NEDD4L: variants seen among roughly 807,000 people sequenced by gnomAD.
NEDD4L encodes the protein E3 ubiquitin-protein ligase NEDD4-like.
In NEDD4L, 54 loss-of-function variants were observed where a neutral mutation model predicts 148.9. The ratio of observed to expected loss-of-function variants is 0.36; its 90% CI spans 0.29 to 0.45. The LOEUF (loss-of-function observed/expected upper bound fraction) is 0.45. Among genes scored for constraint, NEDD4L ranks in the 20% least tolerant of loss-of-function variants. The probability of loss-of-function intolerance (pLI) is 1.00; values close to 1 mark genes in which losing one functional copy is unlikely to be tolerated. For missense variants in NEDD4L, 856 were observed against 1,233.8 expected (o/e 0.69, Z 4.59); for synonymous variants, 433 against 440.7 (o/e 0.98, Z 0.22).
At chr18:58,284,452 A>G (rs2053607510) in intron 5 of NEDD4L, among the ~76,000 whole-genome samples, 1 of 152,178 alleles carries the variant, frequency 6.6e-6, no homozygotes, top group Non-Finnish European at 1.5e-5. Context: ...CAAAATGAAT[A>G]ATCTGTCTTT....
intron 5 of NEDD4L, chr18:58,314,485 T>C (rs1260023206): frequency 6.6e-6 from 1 of 152,018 alleles, no homozygotes; most frequent in African/African-American, 2.4e-5. Context: ...TAATTCCTTG[T>C]GTAACTGTCA....
chr18:58,276,708 ATT>A (rs773763878), intron 5 of NEDD4L, among the ~76,000 whole-genome samples: 6 of 149,602 alleles, frequency 4.0e-5, no homozygotes, highest in Non-Finnish European at 7.4e-5. Flanking sequence ...TATTATTATT[ATT>A]ATTAATAAAA....
At chr18:58,324,975 C>T in intron 8 of NEDD4L, 21 bp from the exon 9 acceptor site, 1 of 1,605,698 alleles carries the variant, frequency 6.2e-7, no homozygotes, top group East Asian at 2.2e-5. Flanking sequence ...TCATAATCGT[C>T]CCTTTAACTT....
chr18:58,341,646 A>G (rs1005107848), intron 14 of NEDD4L, 32 bp from the exon 15 acceptor site: 10 of 1,599,010 alleles, frequency 6.3e-6, no homozygotes, highest in African/African-American at 4.0e-5. Context: ...AGATCCTCCT[A>G]TGAAGCTAAC....
intron 1 of NEDD4L, among the ~76,000 whole-genome samples, chr18:58,096,831 T>C (rs8088889): frequency 0.035 from 5,299 of 152,326 alleles, 311 homozygotes; most frequent in African/African-American, 0.12. Context: ...CCATCTGTCC[T>C]GAAGGCCCAT....
intron 1 of NEDD4L, among the ~76,000 whole-genome samples, chr18:58,079,742 G>A (rs1410041295): frequency 6.6e-6 from 1 of 152,172 alleles, no homozygotes; most frequent in African/African-American, 2.4e-5. Context: ...GACTGGGATT[G>A]TGGAGGTTTT....
At chr18:58,172,125 T>C (rs1461290207) in intron 2 of NEDD4L, among the ~76,000 whole-genome samples, 1 of 151,108 alleles carries the variant, frequency 6.6e-6, no homozygotes, top group East Asian at 1.9e-4. Context: ...AGGACACGAG[T>C]GATGGGTTAG....
chr18:58,211,467 T>C (rs893499575), intron 2 of NEDD4L, among the ~76,000 whole-genome samples: 1 of 152,250 alleles, frequency 6.6e-6, no homozygotes, highest in Non-Finnish European at 1.5e-5. Context: ...ATTGAACTAA[T>C]ACCTGTAACC....
intron 8 of NEDD4L, among the ~76,000 whole-genome samples, chr18:58,323,815 A>G (rs183879844): frequency 4.1e-4 from 63 of 152,274 alleles, no homozygotes; most frequent in Admixed American, 1.5e-3. Context: ...GACCAGAGGA[A>G]TGTCCCTTTT....
intron 2 of NEDD4L, among the ~76,000 whole-genome samples, chr18:58,185,341 G>A (rs908304058): frequency 6.6e-6 from 1 of 152,096 alleles, no homozygotes; most frequent in East Asian, 1.9e-4. Context: ...TAAAACTCCC[G>A]GTGTCCACAC....
intron 24 of NEDD4L, among the ~76,000 whole-genome samples, chr18:58,381,217 G>T (rs904008518): frequency 6.6e-6 from 1 of 152,168 alleles, no homozygotes; most frequent in Non-Finnish European, 1.5e-5. Flanking sequence ...AATATCTTCA[G>T]AAAAAGATTG....
intron 1 of NEDD4L, among the ~76,000 whole-genome samples, chr18:58,159,506 C>T (rs1350656463): frequency 6.6e-6 from 1 of 152,052 alleles, no homozygotes; most frequent in Non-Finnish European, 1.5e-5. Flanking sequence ...AGGAAATCTC[C>T]GTGCCTTCTG....
chr18:58,208,690 G>A (rs2042212232), intron 2 of NEDD4L, among the ~76,000 whole-genome samples: 1 of 152,212 alleles, frequency 6.6e-6, no homozygotes, highest in South Asian at 2.1e-4. Context: ...GAGAATTGCT[G>A]TCTGAAGCTA....
intron 2 of NEDD4L, among the ~76,000 whole-genome samples, chr18:58,240,343 G>A (rs1018070892): frequency 3.3e-5 from 5 of 152,154 alleles, no homozygotes; most frequent in African/African-American, 9.7e-5. Context: ...CAACCTTGAC[G>A]TGGATTTGGA....
chr18:58,355,966 C>T (rs1393883915), intron 18 of NEDD4L, among the ~76,000 whole-genome samples: 2 of 152,140 alleles, frequency 1.3e-5, no homozygotes, highest in East Asian at 1.9e-4. Flanking sequence ...CCCCTGCACT[C>T]CCCCGCCCCG....
At chr18:58,387,823 G>A (rs533723534) in intron 27 of NEDD4L, 39 of 189,944 alleles carry the variant, frequency 2.1e-4, no homozygotes, top group Non-Finnish European at 3.6e-4. Flanking sequence ...TGCACCAGGC[G>A]AGGCAAATTG....
chr18:58,272,400 C>A (rs768084260), intron 5 of NEDD4L, among the ~76,000 whole-genome samples: 12 of 152,110 alleles, frequency 7.9e-5, no homozygotes, highest in Non-Finnish European at 1.8e-4. Context: ...CTTTGAGAGG[C>A]CGAGGCAGAT....
intron 1 of NEDD4L, among the ~76,000 whole-genome samples, chr18:58,159,900 C>T (rs1333189285): frequency 3.3e-5 from 5 of 152,152 alleles, no homozygotes; most frequent in Non-Finnish European, 5.9e-5. Context: ...AAGTCCCTGA[C>T]TTAGAACTTA....
intron 5 of NEDD4L, among the ~76,000 whole-genome samples, chr18:58,281,699 C>T (rs192198839): frequency 6.4e-4 from 97 of 151,250 alleles, no homozygotes; most frequent in African/African-American, 2.3e-3. Flanking sequence ...TTTCTTAATG[C>T]GTTACAATTG....
Sources: allele counts gnomAD v4.1 joint callset (sites outside exome capture counted in the v4.1 genomes callset), GRCh38; gene constraint gnomAD v4.1.1; transcripts MANE v1.5; gene names NCBI Gene and HGNC (gene_info 2026-07-23, HGNC 2026-07-21).